POLR1A: variants seen among roughly 807,000 people sequenced by gnomAD.
The protein encoded by POLR1A is RNA polymerase I subunit A.
POLR1A carries 84 observed loss-of-function variants against 205.3 expected under a neutral mutation model. That is an observed-to-expected ratio of 0.41 (90% CI 0.34 to 0.49). The LOEUF is 0.49. Among genes scored for constraint, POLR1A ranks in the 20% least tolerant of loss-of-function variants. POLR1A has a pLI of 0.22. For synonymous variants in POLR1A, 799 were observed against 863.7 expected (o/e 0.93, Z 1.31); for missense variants, 1,645 against 2,204.5 (o/e 0.75, Z 5.08).
intron 2 of POLR1A, 45 bp downstream of exon 2, chr2:86,099,923 T>C: frequency 6.5e-7 from 1 of 1,540,530 alleles, no homozygotes; most frequent in Non-Finnish European, 9.0e-7. Context: ...CACTCACAAA[T>C]CCCACCAGCA....
chr2:86,067,440 A>C (rs1673101142), intron 13 of POLR1A, among the ~76,000 whole-genome samples: 1 of 152,112 alleles, frequency 6.6e-6, no homozygotes, highest in Non-Finnish European at 1.5e-5. Flanking sequence ...AAACAGAAGG[A>C]AAAAAAATTA....
intron 12 of POLR1A, among the ~76,000 whole-genome samples, chr2:86,071,227 C>CGTGTGCGTGCGCGT (rs1558777042): frequency 2.0e-5 from 3 of 147,250 alleles, no homozygotes; most frequent in African/African-American, 7.8e-5. Context: ...TCTCCGTGTG[C>CGTGTGCGTGCGCGT]ATGTGTGTGT....
intron 3 of POLR1A, among the ~76,000 whole-genome samples, chr2:86,096,894 C>T (rs920302266): frequency 1.3e-5 from 2 of 152,202 alleles, no homozygotes; most frequent in African/African-American, 4.8e-5. Flanking sequence ...AGCTTCTGCA[C>T]AACAAAGTAG....
chr2:86,094,961 C>T (rs910323232), intron 3 of POLR1A, among the ~76,000 whole-genome samples: 1 of 152,202 alleles, frequency 6.6e-6, no homozygotes, highest in Non-Finnish European at 1.5e-5. Context: ...TCACCCTGCA[C>T]AGGCACCCTC....
At position 86,075,149 on chromosome 2, in the gene POLR1A, T is replaced by C. The variant is rs772533003; in HGVS notation, c.1492A>G (p.Ile498Val). 6.2e-7 allele frequency: 1 copy of C among 1,613,736 alleles called. No individual in the cohort carries two copies. Among genetic ancestry groups the C allele is most frequent in the Non-Finnish European group, 8.5e-7 (1 of 1,179,908 alleles). ...PNVHPGASMV[I>V]NEDGSRTALS... The stretch of plus-strand genomic sequence containing the variant: ...GCTGTGCGGCTGCCGTCCTCATTGA[T>C]GACCATGGAGGCTCCTGGGTGCACA... Residue 498 changes from isoleucine (I) to valine (V), a missense_variant, in exon 12 of 34, where the codon ATC becomes GTC. Around this residue, in one of 16 missense-constraint regions of POLR1A, gnomAD observed 131 missense variants for 214.5 expected, o/e 0.61. Coordinates refer to ENST00000263857, the MANE Select transcript of POLR1A (RefSeq NM_015425.6).
rs193177061 is a variant in POLR1A, at chr2:86,080,821, C to T, written c.1081G>A (p.Asp361Asn). 12 of 1,610,678 alleles carry T rather than the reference C, an allele frequency of 7.5e-6. No homozygotes were observed. Among genetic ancestry groups the T allele is most frequent in the Non-Finnish European group, 8.5e-7 (1 of 1,178,122 alleles). The change falls in exon 9 of 34, where the codon GAT becomes AAT. Residue 361 changes from aspartate (D) to asparagine (N), a missense_variant. Around this residue, in one of 16 missense-constraint regions of POLR1A, gnomAD observed 78 missense variants for 77.7 expected, o/e 1.00. Transcript: ENST00000263857. ...LPEEVATPTT[D>N]EEKDSLIAID... Reference sequence around the variant, plus strand: ...AGCAACAGAGCAGCCCTGACCTCATCTGTAGTGGGTGTGGCCACTTCCTCT... The same window carrying T: ...AGCAACAGAGCAGCCCTGACCTCATTTGTAGTGGGTGTGGCCACTTCCTCT...
In POLR1A at chr2:86,105,827, A is replaced by G. The variant is rs764255538; in HGVS notation, c.-51T>C. On this transcript the variant is annotated 5_prime_UTR_variant, in exon 1 of 34. Coordinates refer to ENST00000263857, the MANE Select transcript of POLR1A (RefSeq NM_015425.6). ...CACCCCAAGAGACGTTCCACTCACCACCTGACTATTCTTAATTCAACCTCA... is the reference window on the plus strand; with the variant it reads ...CACCCCAAGAGACGTTCCACTCACCGCCTGACTATTCTTAATTCAACCTCA... The G allele has an allele frequency of 6.9e-7, 1 of 1,451,302 alleles. No individual in the cohort carries two copies. 89.9% of individuals were successfully genotyped at this position (1,451,302 alleles called of 1,614,324 possible).
intron 27 of POLR1A, among the ~76,000 whole-genome samples, chr2:86,035,454 T>C (rs1341794445): frequency 6.6e-6 from 1 of 152,140 alleles, no homozygotes; most frequent in Non-Finnish European, 1.5e-5. Flanking sequence ...ATGGGATCAC[T>C]CTCACTCTGC....
chr2:86,053,802 G>T (rs3770081), intron 15 of POLR1A, among the ~76,000 whole-genome samples: 6,455 of 152,210 alleles, frequency 0.042, 256 homozygotes, highest in East Asian at 0.23. Context: ...AGAGTTATGG[G>T]TGTGGAGCCT....
Position 86,071,222 on chromosome 2 carries a change from G to A in POLR1A, c.1612-950C>T, listed in dbSNP as rs1156985846. 1.5e-3 allele frequency among the ~76,000 whole-genome samples: 9 copies of A among 5,964 alleles called. No individual in the cohort carries two copies. In the South Asian group the frequency reaches 0.028, roughly 18 times the overall value. The allele number at this position is 5,964 out of a possible 152,430, so 3.9% of individuals were successfully genotyped here. ...ACCAACCCAGCTTCTCTCTCTCTCCGTGTGCATGTGTGTGTGTGTGTGTGT... is the reference window on the plus strand; with the variant it reads ...ACCAACCCAGCTTCTCTCTCTCTCCATGTGCATGTGTGTGTGTGTGTGTGT... On this transcript the variant is annotated intron_variant, in intron 12 of 33. Coordinates refer to ENST00000263857, the MANE Select transcript of POLR1A (RefSeq NM_015425.6).
chr2:86,047,344 G>T, intron 18 of POLR1A, 81 bp from the exon 19 acceptor site: 1 of 913,774 alleles, frequency 1.1e-6, no homozygotes, highest in Non-Finnish European at 1.8e-6. Flanking sequence ...CCAGGAAGCA[G>T]AAGCAATACA....
intron 11 of POLR1A, among the ~76,000 whole-genome samples, chr2:86,076,879 G>A (rs1673294599): frequency 6.6e-6 from 1 of 152,204 alleles, no homozygotes; most frequent in African/African-American, 2.4e-5. Context: ...ATTTGGGAAT[G>A]TCACCACTGG....
rs575451844 is a variant in POLR1A, at chr2:86,082,218, T to C, written c.818-512A>G. Among the ~76,000 whole-genome samples, 6 of 152,166 alleles carry C rather than the reference T, an allele frequency of 3.9e-5. No homozygotes were observed. In the South Asian group the frequency reaches 8.3e-4, roughly 21 times the overall value. On this transcript the variant is annotated intron_variant, in intron 7 of 33. Transcript: ENST00000263857. The stretch of plus-strand genomic sequence containing the variant: ...GGGGATATGATAGCATAAAAATGGG[T>C]ACTACAGGGACAATAGCTCTTAAAC...
intron 1 of POLR1A, 142 bp downstream of exon 1, chr2:86,105,558 A>T: frequency 1.6e-6 from 1 of 611,596 alleles, no homozygotes; most frequent in Non-Finnish European, 2.9e-6. Flanking sequence ...GAACGTTCCC[A>T]GAACTACGGC....
intron 11 of POLR1A, 35 bp from the exon 12 acceptor site, chr2:86,075,295 AG>A: frequency 6.8e-7 from 1 of 1,480,122 alleles, no homozygotes; most frequent in Non-Finnish European, 9.3e-7. Context: ...AATTCAGGGC[AG>A]GGATAAAAAA....
At chr2:86,102,139 T>G (rs1036771148) in intron 1 of POLR1A, among the ~76,000 whole-genome samples, 1 of 152,228 alleles carries the variant, frequency 6.6e-6, no homozygotes, top group Non-Finnish European at 1.5e-5. Context: ...TTCAATTCCT[T>G]GGATACACAT....
At chr2:86,079,394 C>T (rs570606711) in intron 9 of POLR1A, among the ~76,000 whole-genome samples, 13 of 152,118 alleles carry the variant, frequency 8.5e-5, no homozygotes, top group African/African-American at 1.9e-4. Flanking sequence ...AATGCCTAGA[C>T]GGTGACTGGC....
Position 86,089,849 on chromosome 2 carries a change from GTTCTGCACA to G in POLR1A, c.504_512del (p.Val169_Asn171del). 6.2e-7 allele frequency: 1 copy of G among 1,611,336 alleles called. No homozygotes were observed. Among genetic ancestry groups the G allele is most frequent in the South Asian group, 1.1e-5 (1 of 91,004 alleles). On this transcript the variant is annotated inframe_deletion, in exon 4 of 34. Transcript: ENST00000263857. ...GTGCGCCCTGGGACCCCAGGAGGTTGTTCTGCACAATTTCAGTTGTGTATTGTTCTAATT... is the reference window on the plus strand; with the variant it reads ...GTGCGCCCTGGGACCCCAGGAGGTTGATTTCAGTTGTGTATTGTTCTAATT...
intron 1 of POLR1A, 47 bp from the exon 2 acceptor site, chr2:86,100,219 C>T (rs1466776203): frequency 7.1e-7 from 1 of 1,410,226 alleles, no homozygotes; most frequent in South Asian, 1.2e-5. Context: ...TTACCAACCT[C>T]TCTGATGTTT....
Sources: allele counts gnomAD v4.1 joint callset (sites outside exome capture counted in the v4.1 genomes callset), GRCh38; gene constraint gnomAD v4.1.1; regional missense constraint gnomAD v4.1.1; transcripts MANE v1.5; gene names NCBI Gene and HGNC (gene_info 2026-07-23, HGNC 2026-07-21).